RABGAP1L: variants seen among roughly 807,000 people sequenced by gnomAD.
RABGAP1L encodes the protein rab GTPase-activating protein 1-like.
A neutral mutation model predicts 137.7 loss-of-function variants in RABGAP1L; 63 were observed. That is an observed-to-expected ratio of 0.46 (90% CI 0.37 to 0.56). The LOEUF is 0.56. Ranked by LOEUF, RABGAP1L falls within the 20% of genes least tolerant of loss-of-function variation. The pLI is 0.00. For missense variants in RABGAP1L, 1,095 were observed against 1,244.0 expected (o/e 0.88, Z 1.80); for synonymous variants, 431 against 433.7 (o/e 0.99, Z 0.08).
chr1:174,675,974 G>T (rs1373790287), intron 14 of RABGAP1L, among the ~76,000 whole-genome samples: 2 of 152,024 alleles, frequency 1.3e-5, no homozygotes, highest in Non-Finnish European at 2.9e-5. Flanking sequence ...AAGTAAAACT[G>T]AGGGTTTTTT....
intron 13 of RABGAP1L, among the ~76,000 whole-genome samples, chr1:174,604,220 A>G (rs1169853369): frequency 6.6e-6 from 1 of 152,148 alleles, no homozygotes; most frequent in Non-Finnish European, 1.5e-5. Context: ...CTCAGATACC[A>G]ACCACTGGGA....
At chr1:174,388,250 T>C (rs555976390) in intron 12 of RABGAP1L, among the ~76,000 whole-genome samples, 13 of 152,162 alleles carry the variant, frequency 8.5e-5, no homozygotes, top group African/African-American at 3.1e-4. Context: ...TAGATCATTC[T>C]TTTAAAAAAG....
intron 11 of RABGAP1L, among the ~76,000 whole-genome samples, chr1:174,332,685 C>T (rs555965767): frequency 6.8e-4 from 104 of 152,126 alleles, no homozygotes; most frequent in African/African-American, 2.3e-3. Context: ...CATGAGCCAC[C>T]GCGCCCGGCT....
intron 12 of RABGAP1L, among the ~76,000 whole-genome samples, chr1:174,375,049 T>C (rs1485130534): frequency 3.3e-5 from 5 of 152,110 alleles, no homozygotes; most frequent in African/African-American, 9.7e-5. Context: ...TTGGGAGATA[T>C]GGCAAGGTGA....
chr1:174,677,159 C>CAAAAA (rs10636911), intron 14 of RABGAP1L, among the ~76,000 whole-genome samples: 21 of 126,360 alleles, frequency 1.7e-4, no homozygotes, highest in Admixed American at 8.6e-4. Context: ...CCATCTCTAC[C>CAAAAA]AAAAAAAAAA....
chr1:174,616,235 A>G (rs1435058085), intron 13 of RABGAP1L, among the ~76,000 whole-genome samples: 1 of 152,172 alleles, frequency 6.6e-6, no homozygotes, highest in African/African-American at 2.4e-5. Flanking sequence ...CCCCGTTGGT[A>G]TGCGGTTTGC....
chr1:174,668,324 T>G (rs1189838149), intron 14 of RABGAP1L, among the ~76,000 whole-genome samples: 10 of 151,940 alleles, frequency 6.6e-5, no homozygotes, highest in Non-Finnish European at 1.3e-4. Flanking sequence ...TGAGGTCAAC[T>G]TTTTTTTAGG....
chr1:174,969,864 C>T (rs1669986026), intron 21 of RABGAP1L, among the ~76,000 whole-genome samples: 1 of 152,180 alleles, frequency 6.6e-6, no homozygotes, highest in African/African-American at 2.4e-5. Flanking sequence ...TGAATGCTGG[C>T]ACCACCACTG....
At chr1:174,930,099 T>C (rs555680006) in intron 19 of RABGAP1L, among the ~76,000 whole-genome samples, 2 of 151,790 alleles carry the variant, frequency 1.3e-5, no homozygotes, top group East Asian at 3.9e-4. Context: ...TCCACTCACC[T>C]TGTGCTCCCA....
chr1:174,982,983 C>A, intron 24 of RABGAP1L, 78 bp downstream of exon 24: 1 of 1,382,382 alleles, frequency 7.2e-7, no homozygotes, highest in Non-Finnish European at 1.0e-6. Context: ...GAACCCCAAA[C>A]ACCACCATTT....
At chr1:174,312,508 G>T (rs751600059) in intron 11 of RABGAP1L, among the ~76,000 whole-genome samples, 2 of 151,926 alleles carry the variant, frequency 1.3e-5, no homozygotes, top group Non-Finnish European at 2.9e-5. Flanking sequence ...TTAATCCCTT[G>T]TCAGATAGGT....
intron 11 of RABGAP1L, among the ~76,000 whole-genome samples, chr1:174,349,049 G>GGGGT (rs1553278369): frequency 3.5e-4 from 52 of 147,670 alleles, no homozygotes; most frequent in African/African-American, 1.2e-3. Flanking sequence ...CCGGGCGGGG[G>GGGGT]GGGGGCTGAC....
rs1458262114 is a variant in RABGAP1L, at chr1:174,829,320, C to T, written c.2340+17360C>T. 2.0e-5 allele frequency among the ~76,000 whole-genome samples: 3 copies of T among 148,114 alleles called. 1 individual carries two copies. Among genetic ancestry groups the T allele is most frequent in the African/African-American group, 7.4e-5 (3 of 40,536 alleles). ...CACTGAGTGGTATTCCAGGTTTATT[C>T]CTATAGAAAAATGAAATAAAAAGTG... On this transcript the variant is annotated intron_variant, in intron 19 of 25. Transcript: ENST00000681986.
At chr1:174,625,817 G>A (rs566069436) in intron 13 of RABGAP1L, among the ~76,000 whole-genome samples, 72 of 152,206 alleles carry the variant, frequency 4.7e-4, no homozygotes, top group African/African-American at 1.7e-3. Context: ...GTTAAAATAG[G>A]CATGTTTCTC....
intron 19 of RABGAP1L, among the ~76,000 whole-genome samples, chr1:174,829,323 A>G (rs1236993971): frequency 1.3e-5 from 2 of 148,498 alleles, no homozygotes; most frequent in African/African-American, 2.5e-5. Flanking sequence ...GTTTATTCCT[A>G]TAGAAAAATG....
chr1:174,195,379 T>G (rs1667494801), intron 1 of RABGAP1L, among the ~76,000 whole-genome samples: 1 of 152,196 alleles, frequency 6.6e-6, no homozygotes, highest in Non-Finnish European at 1.5e-5. Flanking sequence ...GATATTGGCA[T>G]GTTTTAATTA....
intron 13 of RABGAP1L, among the ~76,000 whole-genome samples, chr1:174,452,268 A>T (rs1277764008): frequency 6.6e-6 from 1 of 152,184 alleles, no homozygotes; most frequent in Non-Finnish European, 1.5e-5. Context: ...TATTATTTGC[A>T]TAGTTGTTTC....
At chr1:174,567,819 A>T (rs1026661293) in intron 13 of RABGAP1L, among the ~76,000 whole-genome samples, 2 of 152,204 alleles carry the variant, frequency 1.3e-5, no homozygotes, top group African/African-American at 2.4e-5. Context: ...GCATGTTTTT[A>T]CAATAAGAAA....
At chr1:174,739,375 G>A (rs1046297118) in intron 17 of RABGAP1L, among the ~76,000 whole-genome samples, 1 of 152,162 alleles carries the variant, frequency 6.6e-6, no homozygotes, top group Non-Finnish European at 1.5e-5. Context: ...TGATAATTAT[G>A]ATTCACTGGT....
Sources: allele counts gnomAD v4.1 joint callset (sites outside exome capture counted in the v4.1 genomes callset), GRCh38; gene constraint gnomAD v4.1.1; transcripts MANE v1.5; gene names NCBI Gene and HGNC (gene_info 2026-07-23, HGNC 2026-07-21).